Variants in ZNF444 observed in about 807,000 individuals in gnomAD.
ZNF444 encodes zinc finger protein 444.
In ZNF444, 8 loss-of-function variants were observed where a neutral mutation model predicts 14.4. The observed-to-expected ratio is 0.56, with a 90% CI of 0.33 to 1.00. The LOEUF (loss-of-function observed/expected upper bound fraction) is 1.00. ZNF444 is among the 50% of genes least tolerant of loss of function. The probability of loss-of-function intolerance (pLI) is 0.03; values close to 1 mark genes in which losing one functional copy is unlikely to be tolerated. For synonymous variants in ZNF444, 258 were observed against 235.9 expected (o/e 1.09, Z -0.86); for missense variants, 510 against 504.8 (o/e 1.01, Z -0.10).
intron 3 of ZNF444, among the ~76,000 whole-genome samples, chr19:56,149,223 T>C (rs1410240117): frequency 1.3e-4 from 9 of 71,352 alleles, no homozygotes; most frequent in Non-Finnish European, 1.8e-4. Flanking sequence ...ATCACTCCTC[T>C]GACCTTGACC....
chr19:56,134,088 C>T (rs973590128), intron 1 of ZNF444, among the ~76,000 whole-genome samples: 7 of 152,210 alleles, frequency 4.6e-5, no homozygotes, highest in Middle Eastern at 3.4e-3. Flanking sequence ...GGTTCTCCCC[C>T]TCACACGCTC....
upstream of ZNF444, among the ~76,000 whole-genome samples, chr19:56,138,710 C>G (rs1308442433): frequency 6.7e-6 from 1 of 148,274 alleles, no homozygotes; most frequent in African/African-American, 2.5e-5. Context: ...GGGTGGTTCA[C>G]ATTTAATGGG....
intron 3 of ZNF444, chr19:56,155,309 G>C (rs1019323936): frequency 1.3e-5 from 2 of 152,584 alleles, no homozygotes; most frequent in African/African-American, 4.8e-5. Flanking sequence ...CCTGCAGGGG[G>C]TGCTGCTGGC....
At position 56,160,528 on chromosome 19, in the gene ZNF444, T is replaced by G; in HGVS notation, c.*327T>G. 4 of 298,248 alleles carry G rather than the reference T, an allele frequency of 1.3e-5. No homozygotes were observed. The highest frequency in any genetic ancestry group is 1.2e-5 in the Non-Finnish European group (2 of 161,670). 18.5% of individuals were successfully genotyped at this position (298,248 alleles called of 1,614,324 possible). On this transcript the variant is annotated 3_prime_UTR_variant, in exon 5 of 5. Coordinates refer to ENST00000337080, the MANE Select transcript of ZNF444 (RefSeq NM_018337.4). ...TGCGGCCCAGCCTCCCTCTCCCTCC[T>G]CCATTCCTCTCTCCCTGCCCTTTTC...
In ZNF444 at chr19:56,144,542, G is replaced by C. The variant is rs2123474828; in HGVS notation, c.-196-1705G>C. Among the ~76,000 whole-genome samples, 1 of 152,288 alleles carries C rather than the reference G, an allele frequency of 6.6e-6. No homozygotes were observed. Among genetic ancestry groups the C allele is most frequent in the Admixed American group, 6.5e-5 (1 of 15,286 alleles). On this transcript the variant is annotated intron_variant, in intron 1 of 4. Coordinates refer to ENST00000337080, the MANE Select transcript of ZNF444 (RefSeq NM_018337.4). This position sits in a 1 kb window ranked among gnomAD's most constrained non-coding sequence, Gnocchi z 4.0. ...GGAGTGATTTGGCTCTAGGTGGCGA[G>C]AGTAGGCATACACGGGTCTTGTGGC...
upstream of ZNF444, among the ~76,000 whole-genome samples, chr19:56,139,677 C>A (rs549339874): frequency 1.3e-5 from 2 of 148,748 alleles, no homozygotes; most frequent in East Asian, 3.9e-4. Context: ...CACAGCCAGA[C>A]CCTGTATCAA....
Position 56,160,383 on chromosome 19 carries a change from A to C in ZNF444, c.*182A>C. On this transcript the variant is annotated 3_prime_UTR_variant, in exon 5 of 5. Transcript: ENST00000337080. The stretch of plus-strand genomic sequence containing the variant: ...TCCTTTCCAACTCCTTTTCCCCCAA[A>C]TTTCACTTTCCTTCTCAGGTCTCAC... The C allele has an allele frequency of 7.9e-6, 4 of 503,492 alleles. No individual in the cohort carries two copies. The highest frequency in any genetic ancestry group is 1.0e-5 in the Non-Finnish European group (3 of 297,976). 31.2% of individuals were successfully genotyped at this position (503,492 alleles called of 1,614,324 possible). A position where few individuals can be genotyped will look rare whatever the true frequency, so the allele number is the denominator to read the frequency against.
At chr19:56,151,958 T>C in intron 3 of ZNF444, 1 of 456,028 alleles carries the variant, frequency 2.2e-6, no homozygotes, top group Non-Finnish European at 4.4e-6. Context: ...ACCGAGACAT[T>C]GCCGGATGAG....
rs2031260198 is a variant in ZNF444, at chr19:56,147,338, C to G, written c.297+130C>G. On this transcript the variant is annotated intron_variant, in intron 3 of 4. Transcript: ENST00000337080. The surrounding 1 kb of genome is among the most constrained non-coding windows in gnomAD (Gnocchi z 5.9). ...GACTCGCGGTGGGGAGGCTGCGGTACAGGCTGCGGTACAGCGTGGAGGGAC... is the reference window on the plus strand; with the variant it reads ...GACTCGCGGTGGGGAGGCTGCGGTAGAGGCTGCGGTACAGCGTGGAGGGAC... The G allele has an allele frequency of 9.1e-7, 1 of 1,101,262 alleles. No individual in the cohort carries two copies. The highest frequency in any genetic ancestry group is 1.7e-5 in the African/African-American group (1 of 60,194). The allele number at this position is 1,101,262 out of a possible 1,614,324, so 68.2% of individuals were successfully genotyped here.
At position 56,145,122 on chromosome 19, in the gene ZNF444, C is replaced by T. The variant is rs1339784048; in HGVS notation, c.-196-1125C>T. The stretch of plus-strand genomic sequence containing the variant: ...CAGGCTGCAGGCCAGATTCGGCCCA[C>T]CAGCTCAGAGACCACCATTTCTCAA... On this transcript the variant is annotated intron_variant, in intron 1 of 4. Coordinates refer to ENST00000337080, the MANE Select transcript of ZNF444 (RefSeq NM_018337.4). This position sits in a 1 kb window ranked among gnomAD's most constrained non-coding sequence, Gnocchi z 4.3. 6.6e-6 allele frequency among the ~76,000 whole-genome samples: 1 copy of T among 152,224 alleles called. No individual in the cohort carries two copies. The highest frequency in any genetic ancestry group is 1.5e-5 in the Non-Finnish European group (1 of 68,052).
chr19:56,153,563 T>C (rs879286945), intron 3 of ZNF444, among the ~76,000 whole-genome samples: 1 of 152,242 alleles, frequency 6.6e-6, no homozygotes, highest in Non-Finnish European at 1.5e-5. Flanking sequence ...GCTTCCTCAC[T>C]TCTGTGGAGA....
At chr19:56,134,932 TAA>T (rs201887007) in intron 1 of ZNF444, among the ~76,000 whole-genome samples, 1 of 145,700 alleles carries the variant, frequency 6.9e-6, no homozygotes, top group Non-Finnish European at 1.5e-5. Flanking sequence ...CTTATTTCTT[TAA>T]AAAAAAAAAA....
chr19:56,148,631 C>T (rs1319930864), intron 3 of ZNF444, among the ~76,000 whole-genome samples: 2 of 152,192 alleles, frequency 1.3e-5, no homozygotes, highest in African/African-American at 4.8e-5. Context: ...CTCCTCTGCT[C>T]CTGCCTCCTG....
intron 3 of ZNF444, chr19:56,154,156 A>T (rs542884368): frequency 6.6e-6 from 1 of 152,316 alleles, no homozygotes; most frequent in East Asian, 1.9e-4. Flanking sequence ...TCACCAACAT[A>T]TGCTCATGAT....
intron 3 of ZNF444, chr19:56,156,919 G>A (rs2031944240): frequency 6.6e-6 from 1 of 152,270 alleles, no homozygotes; most frequent in Non-Finnish European, 1.5e-5. Context: ...AAACCAGGAA[G>A]TTCCCCGAGG....
At chr19:56,146,624 T>C (rs1467264384) in intron 2 of ZNF444, among the ~76,000 whole-genome samples, 1 of 152,078 alleles carries the variant, frequency 6.6e-6, no homozygotes, top group African/African-American at 2.4e-5. Flanking sequence ...ACCCCATCTC[T>C]ACTAAAAATA....
upstream of ZNF444, among the ~76,000 whole-genome samples, chr19:56,138,795 T>TTA: frequency 7.3e-6 from 1 of 137,000 alleles, no homozygotes. Flanking sequence ...GAATGTACTT[T>TTA]TTTTTTTTTT....
chr19:56,160,220 C>A lies in ZNF444; in HGVS notation c.*19C>A. 7.0e-7 allele frequency: 1 copy of A among 1,420,478 alleles called. No individual in the cohort carries two copies. The highest frequency in any genetic ancestry group is 2.5e-4 in the Middle Eastern group (1 of 3,930). 88.0% of individuals were successfully genotyped at this position (1,420,478 alleles called of 1,614,324 possible). A position where few individuals can be genotyped will look rare whatever the true frequency, so the allele number is the denominator to read the frequency against. On this transcript the variant is annotated 3_prime_UTR_variant, in exon 5 of 5. Transcript: ENST00000337080. The stretch of plus-strand genomic sequence containing the variant: ...GGGTTAGCCGCCTCCCGGCCAGCGC[C>A]ATCTCCCGCCCTTGGTGCTGCCCCC...
chr19:56,154,826 G>T (rs979957675), intron 3 of ZNF444: 1 of 152,226 alleles, frequency 6.6e-6, no homozygotes, highest in African/African-American at 2.4e-5. Context: ...TATGCACTGG[G>T]GCAGGTGGAG....
Sources: allele counts gnomAD v4.1 joint callset (sites outside exome capture counted in the v4.1 genomes callset), GRCh38; gene constraint gnomAD v4.1.1; non-coding constraint Gnocchi (gnomAD v3.1); transcripts MANE v1.5; gene names NCBI Gene and HGNC (gene_info 2026-07-23, HGNC 2026-07-21).